Variants in XPO7 observed in about 807,000 individuals in gnomAD.
XPO7 encodes exportin 7, also known as exportin-7.
In XPO7, 21 loss-of-function variants were observed where a neutral mutation model predicts 144.3. That is an observed-to-expected ratio of 0.15 (90% CI 0.10 to 0.21). XPO7 has a LOEUF of 0.21. Ranked by LOEUF, XPO7 falls within the 10% of genes least tolerant of loss-of-function variation. XPO7 has a pLI of 1.00. For synonymous variants in XPO7, 580 were observed against 499.6 expected (o/e 1.16, Z -2.15); for missense variants, 808 against 1,325.8 (o/e 0.61, Z 6.06).
At chr8:21,967,521 C>T (rs1045865791) in intron 2 of XPO7, among the ~76,000 whole-genome samples, 2 of 151,944 alleles carry the variant, frequency 1.3e-5, no homozygotes, top group African/African-American at 2.4e-5. Context: ...TTAGTAGAGA[C>T]GGGGTTTCTC....
chr8:21,925,052 G>A (rs548480653), intron 1 of XPO7, among the ~76,000 whole-genome samples: 7 of 152,220 alleles, frequency 4.6e-5, no homozygotes, highest in East Asian at 3.9e-4. Flanking sequence ...TGGTTTTGTC[G>A]ACATGTCCCT....
At chr8:21,987,937 G>A in intron 15 of XPO7, 80 bp downstream of exon 15, 1 of 1,413,424 alleles carries the variant, frequency 7.1e-7, no homozygotes, top group Non-Finnish European at 9.8e-7. Context: ...GCATTGTGCT[G>A]CCAGTGCCTG....
chr8:21,994,639 A>G (rs1812882755), intron 20 of XPO7, among the ~76,000 whole-genome samples, 188 bp downstream of exon 20: 1 of 152,160 alleles, frequency 6.6e-6, no homozygotes, highest in Non-Finnish European at 1.5e-5. Flanking sequence ...TGAGATTAGA[A>G]CATGAATGAA....
At chr8:21,994,281 T>C (rs1812867346) in intron 19 of XPO7, 82 bp from the exon 20 acceptor site, 1 of 987,942 alleles carries the variant, frequency 1.0e-6, no homozygotes, top group Non-Finnish European at 1.6e-6. Context: ...AAGAATTTGA[T>C]GATACATGTG....
At chr8:21,958,072 G>A (rs908488091) in intron 1 of XPO7, among the ~76,000 whole-genome samples, 2 of 152,122 alleles carry the variant, frequency 1.3e-5, no homozygotes, top group Middle Eastern at 3.2e-3. Context: ...CAGTTGTACA[G>A]ACATTAATAT....
intron 13 of XPO7, among the ~76,000 whole-genome samples, chr8:21,986,159 A>G (rs1812572238): frequency 7.5e-6 from 1 of 132,908 alleles, no homozygotes; most frequent in African/African-American, 2.9e-5. Flanking sequence ...TTTTTTGGAG[A>G]TGGAGTCTCG....
intron 1 of XPO7, among the ~76,000 whole-genome samples, chr8:21,941,236 C>T (rs1284369428): frequency 6.6e-6 from 1 of 151,794 alleles, no homozygotes; most frequent in Non-Finnish European, 1.5e-5. Flanking sequence ...CACGCCACAA[C>T]CCCGCTCCCT....
In XPO7 at chr8:21,985,706, C is replaced by G. The variant is rs748058780; in HGVS notation, c.1577+15C>G. ...CTTGTCTGTCGGTAAGTGCTCCCCA[C>G]AGAAGCTCTCCACTCTGCCTTGCTG... On this transcript the variant is annotated intron_variant, in intron 13 of 27. Transcript: ENST00000252512. The G allele has an allele frequency of 6.2e-7, 1 of 1,609,836 alleles. No individual in the cohort carries two copies. The highest frequency in any genetic ancestry group is 8.5e-7 in the Non-Finnish European group (1 of 1,177,140).
intron 17 of XPO7, 51 bp from the exon 18 acceptor site, chr8:21,990,760 C>A: frequency 1.3e-6 from 2 of 1,556,086 alleles, no homozygotes; most frequent in Non-Finnish European, 1.8e-6. Context: ...GGCTTGCATT[C>A]TGCCTCTAAC....
chr8:21,930,161 A>C (rs1202829889), intron 1 of XPO7, among the ~76,000 whole-genome samples: 1 of 152,214 alleles, frequency 6.6e-6, no homozygotes, highest in East Asian at 1.9e-4. Context: ...TAATTGACCA[A>C]ATGTATTTTA....
intron 8 of XPO7, among the ~76,000 whole-genome samples, chr8:21,979,762 C>T (rs1812343391): frequency 6.6e-6 from 1 of 152,142 alleles, no homozygotes. Flanking sequence ...ATCTACATGT[C>T]AAACTCAGAT....
chr8:21,933,540 T>C (rs1481016788), intron 1 of XPO7, among the ~76,000 whole-genome samples: 2 of 152,232 alleles, frequency 1.3e-5, no homozygotes, highest in Non-Finnish European at 2.9e-5. Context: ...CAAGTCTGTT[T>C]AGCATTGAAA....
intron 5 of XPO7, 121 bp downstream of exon 5, chr8:21,972,062 T>C (rs1812080087): frequency 1.1e-6 from 1 of 871,972 alleles, no homozygotes; most frequent in African/African-American, 1.7e-5. Flanking sequence ...AAGTGATTAA[T>C]GCCCTTTTGA....
intron 1 of XPO7, among the ~76,000 whole-genome samples, chr8:21,938,210 A>G (rs1237480596): frequency 3.3e-5 from 5 of 152,222 alleles, no homozygotes; most frequent in African/African-American, 1.2e-4. Context: ...AGCAACATAT[A>G]TTTAATATGT....
intron 19 of XPO7, among the ~76,000 whole-genome samples, chr8:21,993,321 C>CT (rs1266094864): frequency 6.6e-6 from 1 of 152,192 alleles, no homozygotes; most frequent in Non-Finnish European, 1.5e-5. Context: ...CATGTAAAGT[C>CT]TTTTAAGAGA....
Position 21,974,666 on chromosome 8 carries a change from A to C in XPO7, c.493-4A>C. On this transcript the variant is annotated splice_polypyrimidine_tract_variant and splice_region_variant and intron_variant, in intron 5 of 27. Coordinates refer to ENST00000252512, the MANE Select transcript of XPO7 (RefSeq NM_015024.5). ...TTGCATTGGTTTCTTCTTTTTCTGC[A>C]CAGGCAGACACCACCCATCCTTTAA... The C allele has an allele frequency of 6.4e-7, 1 of 1,564,680 alleles. No individual in the cohort carries two copies. Among genetic ancestry groups the C allele is most frequent in the Non-Finnish European group, 8.6e-7 (1 of 1,157,966 alleles).
At chr8:21,969,405 C>G in intron 2 of XPO7, 78 bp from the exon 3 acceptor site, 1 of 1,233,458 alleles carries the variant, frequency 8.1e-7, no homozygotes, top group Non-Finnish European at 1.2e-6. Flanking sequence ...TGAATCTGAG[C>G]AGAGATCTCC....
At chr8:21,977,655 A>G (rs1812270509) in intron 7 of XPO7, 115 bp from the exon 8 acceptor site, 1 of 926,872 alleles carries the variant, frequency 1.1e-6, no homozygotes, top group African/African-American at 1.7e-5. Flanking sequence ...GGAAATAAAT[A>G]CTCTGTAAGA....
chr8:21,997,360 A>G lies in XPO7; in HGVS notation c.2346-1395A>G, dbSNP rs552803585. The stretch of plus-strand genomic sequence containing the variant: ...CAGTGATTAAGTGCCATGAAACAAA[A>G]TAAAACAAGGCAGTAAAATAGAGGG... On this transcript the variant is annotated intron_variant, in intron 21 of 27. Coordinates refer to ENST00000252512, the MANE Select transcript of XPO7 (RefSeq NM_015024.5). Among the ~76,000 whole-genome samples, 3 of 152,376 alleles carry G rather than the reference A, an allele frequency of 2.0e-5. No individual in the cohort carries two copies. The South Asian group carries it at 6.2e-4, about 32-fold the overall frequency.
Sources: allele counts gnomAD v4.1 joint callset (sites outside exome capture counted in the v4.1 genomes callset), GRCh38; gene constraint gnomAD v4.1.1; transcripts MANE v1.5; gene names NCBI Gene and HGNC (gene_info 2026-07-23, HGNC 2026-07-21).